The following CCDC144A variants were observed in gnomAD, a reference collection of about 807,000 sequenced individuals.
CCDC144A encodes coiled-coil domain-containing protein 144A.
Under a neutral mutation model 143.8 loss-of-function variants are expected in CCDC144A, and 41 were observed. The observed-to-expected ratio is 0.29, with a 90% confidence interval of 0.22 to 0.37. CCDC144A has a LOEUF of 0.37. Ranked by LOEUF, CCDC144A falls within the 10% of genes least tolerant of loss-of-function variation. CCDC144A has a pLI of 1.00. For synonymous variants in CCDC144A, 242 were observed against 517.9 expected, an observed-to-expected ratio of 0.47 and a Z score of 7.23; for missense variants, 637 against 1,488.8, an observed-to-expected ratio of 0.43 and a Z score of 9.41.
intron 2 of CCDC144A, among the ~76,000 whole-genome samples, chr17:16,701,710 CATCAGAACAGG>C (rs111685264): frequency 1.1e-4 from 16 of 151,598 alleles, no homozygotes; most frequent in African/African-American, 3.6e-4. Flanking sequence ...ATGTTGTGTT[CATCAGAACAGG>C]ATCTGATGGC....
At chr17:16,757,185 G>A (rs974989577) in intron 12 of CCDC144A, among the ~76,000 whole-genome samples, 1 of 152,278 alleles carries the variant, frequency 6.6e-6, no homozygotes, top group African/African-American at 2.4e-5. Flanking sequence ...TGGCACTGGA[G>A]ATGACAGTAG....
At chr17:16,751,860 C>T (rs1279897651) in intron 12 of CCDC144A, among the ~76,000 whole-genome samples, 2 of 152,244 alleles carry the variant, frequency 1.3e-5, no homozygotes, top group East Asian at 3.9e-4. Flanking sequence ...GTGGGGAGCA[C>T]TTAGCTCGCA....
At position 16,709,495 on chromosome 17, in the gene CCDC144A, C is replaced by A; in HGVS notation, c.1438C>A (p.Pro480Thr). 6.2e-7 allele frequency: 1 copy of A among 1,611,550 alleles called. No individual in the cohort carries two copies. Among genetic ancestry groups the A allele is most frequent in the East Asian group, 2.2e-5 (1 of 44,838 alleles). The change falls in exon 5 of 17, where the codon CCA (proline) becomes ACA (threonine). Residue 480 changes from proline to threonine, a missense_variant. Transcript: ENST00000399273. The stretch of plus-strand genomic sequence containing the variant: ...TAAATTAGAAAATCTGAGTTCTTTA[C>A]CACCAGATTCTGACAGAACATCAGA... The part of the protein sequence containing the change: ...KPKLENLSSL[P>T]PDSDRTSEVY...
intron 12 of CCDC144A, among the ~76,000 whole-genome samples, chr17:16,754,064 T>C (rs1400465122): frequency 6.6e-6 from 1 of 152,236 alleles, no homozygotes; most frequent in Non-Finnish European, 1.5e-5. Context: ...TTGCTGGTTA[T>C]GCACTTCCAG....
At chr17:16,683,511 A>T in the CCDC144A span, 1 of 1,514,438 alleles carries the variant, frequency 6.6e-7, no homozygotes, top group African/African-American at 1.4e-5. Flanking sequence ...CGGGTTCGGG[A>T]TGTTCTATGC....
intron 2 of CCDC144A, among the ~76,000 whole-genome samples, chr17:16,701,743 C>T (rs527668747): frequency 2.6e-5 from 4 of 151,836 alleles, no homozygotes; most frequent in South Asian, 4.2e-4. Flanking sequence ...TATGATTTGA[C>T]GTGCTGAGAA....
At chr17:16,768,636 T>C (rs933672383) in intron 15 of CCDC144A, among the ~76,000 whole-genome samples, 1 of 152,270 alleles carries the variant, frequency 6.6e-6, no homozygotes, top group Non-Finnish European at 1.5e-5. Flanking sequence ...CTTTGTCCTA[T>C]ATATCAGAAG....
At chr17:16,733,892 C>T (rs1010998226) in intron 11 of CCDC144A, among the ~76,000 whole-genome samples, 3 of 152,154 alleles carry the variant, frequency 2.0e-5, no homozygotes, top group Admixed American at 6.6e-5. Flanking sequence ...AATCCCAACA[C>T]TTTGGGAGGC....
chr17:16,766,922 G>C (rs1306447061), intron 15 of CCDC144A: 1 of 152,030 alleles, frequency 6.6e-6, no homozygotes, highest in Non-Finnish European at 1.5e-5. Context: ...TAGTTCCAAG[G>C]CATACCTAGT....
intron 8 of CCDC144A, among the ~76,000 whole-genome samples, chr17:16,724,656 G>A (rs1250859651): frequency 1.3e-5 from 2 of 151,780 alleles, no homozygotes; most frequent in East Asian, 1.9e-4. Flanking sequence ...ATCACTTATT[G>A]AGTAAGTGAT....
intron 1 of CCDC144A, chr17:16,691,931 A>C (rs1375461863): frequency 1.3e-5 from 2 of 151,990 alleles, no homozygotes; most frequent in African/African-American, 2.4e-5. Flanking sequence ...AGTTCATTTG[A>C]CTATTTGCTG....
chr17:16,740,889 A>G (rs1319053870), intron 12 of CCDC144A, among the ~76,000 whole-genome samples: 6 of 151,916 alleles, frequency 3.9e-5, no homozygotes, highest in Non-Finnish European at 7.4e-5. Flanking sequence ...TTCCTTCTTC[A>G]TCTTCCTTAT....
At chr17:16,745,848 C>G in intron 12 of CCDC144A, 4 of 1,599,166 alleles carry the variant, frequency 2.5e-6, no homozygotes, top group Non-Finnish European at 3.4e-6. Flanking sequence ...CCCCGGAGCC[C>G]CGCTGTCCTG....
At chr17:16,754,784 T>A (rs1914995813) in intron 12 of CCDC144A, among the ~76,000 whole-genome samples, 1 of 152,256 alleles carries the variant, frequency 6.6e-6, no homozygotes, top group South Asian at 2.1e-4. Flanking sequence ...TCTTTGTTGA[T>A]TTTCTGTTTA....
upstream of CCDC144A, among the ~76,000 whole-genome samples, chr17:16,685,154 G>T (rs1910735304): frequency 6.6e-6 from 1 of 152,092 alleles, no homozygotes; most frequent in Non-Finnish European, 1.5e-5. Context: ...AGCCTCCCAA[G>T]TATCTGGGAT....
upstream of CCDC144A, among the ~76,000 whole-genome samples, chr17:16,686,657 T>TA (rs1910792172): frequency 6.6e-6 from 1 of 150,844 alleles, no homozygotes; most frequent in African/African-American, 2.4e-5. Context: ...AAAAAATTGT[T>TA]TTTTTTTTGA....
chr17:16,686,082 G>GTTT (rs1194028272), upstream of CCDC144A, among the ~76,000 whole-genome samples: 18 of 128,616 alleles, frequency 1.4e-4, 1 homozygote, highest in Admixed American at 1.1e-3. Flanking sequence ...GAGCCCGGCT[G>GTTT]TTTTTTTTGT....
chr17:16,731,413 T>G (rs1330599940), intron 9 of CCDC144A: 1 of 201,210 alleles, frequency 5.0e-6, no homozygotes, highest in Non-Finnish European at 1.0e-5. Context: ...TAAACTTGTT[T>G]GTAAACAGTA....
chr17:16,734,204 C>T (rs894038693), intron 11 of CCDC144A, among the ~76,000 whole-genome samples: 1 of 149,198 alleles, frequency 6.7e-6, no homozygotes, highest in African/African-American at 2.5e-5. Context: ...AAATGTAATT[C>T]TTATATAACT....
Sources: allele counts gnomAD v4.1 joint callset (sites outside exome capture counted in the v4.1 genomes callset), GRCh38; gene constraint gnomAD v4.1.1; transcripts MANE v1.5; gene names NCBI Gene and HGNC (gene_info 2026-07-23, HGNC 2026-07-21).